The following GRIK2 variants were observed in gnomAD, a reference collection of about 807,000 sequenced individuals.
GRIK2 encodes glutamate receptor ionotropic, kainate 2.
In GRIK2, 32 loss-of-function variants were observed where a neutral mutation model predicts 100.3. The observed-to-expected ratio is 0.32, with a 90% CI of 0.24 to 0.43. The LOEUF is 0.43. Among genes scored for constraint, GRIK2 ranks in the 20% least tolerant of loss-of-function variants. The pLI is 1.00. For synonymous variants in GRIK2, 417 were observed against 389.4 expected (o/e 1.07, Z -0.83); for missense variants, 843 against 1,114.9 (o/e 0.76, Z 3.47).
chr6:101,500,217 T>C (rs1182968469), intron 2 of GRIK2, among the ~76,000 whole-genome samples: 3 of 152,108 alleles, frequency 2.0e-5, no homozygotes, highest in South Asian at 2.1e-4. Context: ...TGTGTTTTTT[T>C]CCCAAAGAAA....
At chr6:101,766,517 A>T (rs1160976163) in intron 7 of GRIK2, among the ~76,000 whole-genome samples, 1 of 152,186 alleles carries the variant, frequency 6.6e-6, no homozygotes, top group Non-Finnish European at 1.5e-5. Flanking sequence ...ATTCTTTTTT[A>T]TGATAAAGTT....
At chr6:101,942,403 G>C (rs1395788372) in intron 14 of GRIK2, among the ~76,000 whole-genome samples, 1 of 152,164 alleles carries the variant, frequency 6.6e-6, no homozygotes, top group Non-Finnish European at 1.5e-5. Flanking sequence ...CTAGGTAACG[G>C]GAAGAGATTT....
At chr6:101,465,872 A>G (rs900862395) in intron 2 of GRIK2, among the ~76,000 whole-genome samples, 2 of 152,222 alleles carry the variant, frequency 1.3e-5, no homozygotes, top group South Asian at 2.1e-4. Flanking sequence ...TAATTTGGAG[A>G]ATAAGATTAA....
chr6:101,461,775 C>T lies in GRIK2; in HGVS notation c.115+62383C>T, dbSNP rs950444117. On this transcript the variant is annotated intron_variant, in intron 2 of 16. Coordinates refer to ENST00000369134, the MANE Select transcript of GRIK2 (RefSeq NM_021956.5). ...TAACATAAGCTCTCCATTACCAGCA[C>T]TCATTAGGGATTTTCAGGAAAATAT... is the stretch of plus-strand genomic sequence containing the variant. 1.2e-4 allele frequency among the ~76,000 whole-genome samples: 18 copies of T among 152,132 alleles called. No homozygotes were observed. The East Asian group carries it at 3.5e-3, about 29-fold the overall frequency.
intron 14 of GRIK2, among the ~76,000 whole-genome samples, chr6:102,020,480 C>T (rs1191955541): frequency 6.6e-6 from 1 of 151,718 alleles, no homozygotes; most frequent in Non-Finnish European, 1.5e-5. Context: ...GCTAAACCAT[C>T]CTAAGAAGAT....
chr6:102,038,058 T>G (rs1401387312), intron 15 of GRIK2, among the ~76,000 whole-genome samples: 4 of 151,430 alleles, frequency 2.6e-5, no homozygotes, highest in African/African-American at 7.3e-5. Context: ...TAACTTGAAA[T>G]TTATGGCCTC....
At chr6:101,768,799 C>G (rs1778203783) in intron 7 of GRIK2, among the ~76,000 whole-genome samples, 1 of 151,998 alleles carries the variant, frequency 6.6e-6, no homozygotes, top group South Asian at 2.1e-4. Context: ...AGCCTTGGCT[C>G]CTTGGCATGT....
chr6:101,798,094 T>C (rs576826285), intron 7 of GRIK2, among the ~76,000 whole-genome samples: 1 of 151,700 alleles, frequency 6.6e-6, no homozygotes, highest in African/African-American at 2.4e-5. Context: ...CCTTCATTCT[T>C]AGCTCCGATT....
chr6:101,480,234 A>C (rs1312362511), intron 2 of GRIK2, among the ~76,000 whole-genome samples: 1 of 152,166 alleles, frequency 6.6e-6, no homozygotes, highest in Non-Finnish European at 1.5e-5. Flanking sequence ...GACCATTTAC[A>C]CCAGTTATTC....
chr6:102,008,890 A>G (rs1469590325), intron 14 of GRIK2, among the ~76,000 whole-genome samples: 1 of 152,074 alleles, frequency 6.6e-6, no homozygotes, highest in Non-Finnish European at 1.5e-5. Context: ...TTTTGTAAAT[A>G]AATAATATGT....
At chr6:101,981,797 G>A (rs1793728332) in intron 14 of GRIK2, among the ~76,000 whole-genome samples, 1 of 151,680 alleles carries the variant, frequency 6.6e-6, no homozygotes, top group African/African-American at 2.4e-5. Flanking sequence ...ATGGGCAAAG[G>A]AGAAGAAAGT....
At chr6:101,684,128 C>G (rs1452593132) in intron 6 of GRIK2, among the ~76,000 whole-genome samples, 1 of 152,170 alleles carries the variant, frequency 6.6e-6, no homozygotes, top group Non-Finnish European at 1.5e-5. Flanking sequence ...TCTGGCATAT[C>G]TCTATATTAT....
At chr6:101,941,670 CAT>C (rs1404186608) in intron 14 of GRIK2, among the ~76,000 whole-genome samples, 2 of 151,912 alleles carry the variant, frequency 1.3e-5, no homozygotes, top group South Asian at 2.1e-4. Flanking sequence ...AAGATGGTAA[CAT>C]ATGTTATTTC....
At chr6:101,920,942 G>A (rs893035643) in intron 12 of GRIK2, among the ~76,000 whole-genome samples, 6 of 151,910 alleles carry the variant, frequency 3.9e-5, no homozygotes, top group African/African-American at 1.4e-4. Flanking sequence ...CAACTGGGAA[G>A]CGGTATATAG....
chr6:101,485,676 G>A (rs946989069), intron 2 of GRIK2, among the ~76,000 whole-genome samples: 1 of 152,058 alleles, frequency 6.6e-6, no homozygotes, highest in Non-Finnish European at 1.5e-5. Context: ...AGGGATAAGA[G>A]CAATTATATT....
At chr6:101,645,540 A>G (rs1781487278) in intron 4 of GRIK2, among the ~76,000 whole-genome samples, 1 of 151,958 alleles carries the variant, frequency 6.6e-6, no homozygotes, top group African/African-American at 2.4e-5. Flanking sequence ...TGCTTATCAA[A>G]ATTTTAAAAT....
chr6:101,509,050 C>T (rs1019238837), intron 2 of GRIK2, among the ~76,000 whole-genome samples: 2 of 150,100 alleles, frequency 1.3e-5, no homozygotes, highest in African/African-American at 2.5e-5. Flanking sequence ...CACAGCTACT[C>T]GGGAGGCTGA....
intron 2 of GRIK2, among the ~76,000 whole-genome samples, chr6:101,521,248 A>G (rs1172262246): frequency 6.6e-6 from 1 of 151,838 alleles, no homozygotes; most frequent in East Asian, 1.9e-4. Flanking sequence ...AAACTATTGT[A>G]TATAGTAAAC....
intron 2 of GRIK2, among the ~76,000 whole-genome samples, chr6:101,439,128 G>A (rs1170196803): frequency 6.6e-6 from 1 of 152,076 alleles, no homozygotes; most frequent in African/African-American, 2.4e-5. Context: ...TGTCTGGTGC[G>A]CTGAGTATTC....
Sources: gnomAD v4.1 joint callset for allele counts (sites outside exome capture counted in the v4.1 genomes callset) on GRCh38, gnomAD v4.1.1 for gene constraint, MANE v1.5 for transcripts, NCBI Gene and HGNC (gene_info 2026-07-23, HGNC 2026-07-21) for gene names.